HIVEP3: variants seen among roughly 807,000 people sequenced by gnomAD.
HIVEP3 encodes the protein HIVEP zinc finger 3, also known as transcription factor HIVEP3.
Under a neutral mutation model 152.8 loss-of-function variants are expected in HIVEP3, and 49 were observed. The observed-to-expected ratio is 0.32, with a 90% confidence interval of 0.26 to 0.41. HIVEP3 has a LOEUF of 0.41. HIVEP3 is among the 10% of genes least tolerant of loss of function. HIVEP3 has a pLI of 1.00. For missense variants in HIVEP3, 2,790 were observed against 3,103.3 expected (o/e 0.90, Z 2.40); for synonymous variants, 1,269 against 1,289.0 (o/e 0.98, Z 0.33).
intron 1 of HIVEP3, among the ~76,000 whole-genome samples, chr1:41,869,122 A>G (rs6670896): frequency 0.28 from 42,194 of 152,070 alleles, 6,561 homozygotes; most frequent in East Asian, 0.55. Flanking sequence ...CAGTAGAATA[A>G]AACAGGTGAT....
intron 1 of HIVEP3, among the ~76,000 whole-genome samples, chr1:42,003,809 C>T (rs896392017): frequency 1.3e-5 from 2 of 150,992 alleles, no homozygotes; most frequent in African/African-American, 4.9e-5. Flanking sequence ...AAGGCACTCT[C>T]GTCACCTCAA....
intron 1 of HIVEP3, among the ~76,000 whole-genome samples, chr1:41,895,275 T>G (rs1000480728): frequency 1.5e-4 from 23 of 152,126 alleles, no homozygotes; most frequent in African/African-American, 5.1e-4. Flanking sequence ...ATGAACCCAG[T>G]TCCCTTCCAT....
intron 1 of HIVEP3, among the ~76,000 whole-genome samples, chr1:41,836,603 G>T (rs1643131090): frequency 1.3e-5 from 2 of 152,218 alleles, no homozygotes; most frequent in Admixed American, 1.3e-4. Context: ...TGGTCATGTG[G>T]ATTCCCACAC....
intron 1 of HIVEP3, among the ~76,000 whole-genome samples, chr1:41,747,888 C>T (rs1449133596): frequency 6.6e-6 from 1 of 152,124 alleles, no homozygotes; most frequent in Non-Finnish European, 1.5e-5. Flanking sequence ...AAAAGGATAC[C>T]ATTCCCTTTG....
chr1:41,933,251 A>G (rs1462255214), intron 1 of HIVEP3, among the ~76,000 whole-genome samples: 1 of 152,088 alleles, frequency 6.6e-6, no homozygotes, highest in African/African-American at 2.4e-5. Flanking sequence ...CATTTACTGA[A>G]AAAGGAGCAC....
intron 2 of HIVEP3, among the ~76,000 whole-genome samples, chr1:41,696,737 TATA>T (rs1233416497): frequency 6.6e-6 from 1 of 151,106 alleles, no homozygotes; most frequent in African/African-American, 2.4e-5. Context: ...GAATGTAGAG[TATA>T]ATCCTAATTT....
chr1:41,528,271 C>T (rs1173466962), intron 5 of HIVEP3, among the ~76,000 whole-genome samples: 3 of 135,786 alleles, frequency 2.2e-5, no homozygotes, highest in Non-Finnish European at 4.8e-5. Flanking sequence ...CACCCTCACA[C>T]ACCCTCACAT....
chr1:41,990,012 A>T, intron 1 of HIVEP3, among the ~76,000 whole-genome samples: 2 of 56,396 alleles, frequency 3.5e-5, no homozygotes, highest in African/African-American at 9.0e-5. Context: ...AGTTTCTCCT[A>T]GTCTCGATGG....
chr1:41,737,357 C>G (rs897513900), intron 1 of HIVEP3, among the ~76,000 whole-genome samples: 1 of 152,214 alleles, frequency 6.6e-6, no homozygotes. Context: ...GCCTCCAACC[C>G]CTGCAGTCCC....
chr1:41,822,173 C>A (rs892342429), intron 1 of HIVEP3, among the ~76,000 whole-genome samples: 3 of 152,186 alleles, frequency 2.0e-5, no homozygotes, highest in Non-Finnish European at 4.4e-5. Context: ...TGGCCACTCT[C>A]TCTCTTCATG....
chr1:41,587,097 G>A (rs1477249063), intron 3 of HIVEP3, among the ~76,000 whole-genome samples: 5 of 152,110 alleles, frequency 3.3e-5, no homozygotes, highest in African/African-American at 1.2e-4. Flanking sequence ...TAGCCAGACA[G>A]GATGGAACAT....
intron 1 of HIVEP3, among the ~76,000 whole-genome samples, chr1:41,760,672 C>T (rs1372637341): frequency 2.0e-5 from 3 of 152,202 alleles, no homozygotes; most frequent in Admixed American, 6.5e-5. Flanking sequence ...CAGTACAGGG[C>T]CCTGGGGCTT....
At chr1:41,542,645 A>G (rs1033527021) in intron 5 of HIVEP3, 1 of 152,444 alleles carries the variant, frequency 6.6e-6, no homozygotes, top group Non-Finnish European at 1.5e-5. Context: ...GAGCCACAGT[A>G]TCCTGCAGAG....
intron 1 of HIVEP3, among the ~76,000 whole-genome samples, chr1:41,743,890 G>A (rs1647032024): frequency 6.6e-6 from 1 of 152,092 alleles, no homozygotes; most frequent in Non-Finnish European, 1.5e-5. Context: ...AATGGGGGAG[G>A]GAGGGACTCC....
chr1:41,856,695 G>T (rs1643776998), intron 1 of HIVEP3, among the ~76,000 whole-genome samples: 1 of 152,090 alleles, frequency 6.6e-6, no homozygotes, highest in Admixed American at 6.5e-5. Context: ...ATTGGGAGGT[G>T]CAGCAGGGGA....
At chr1:41,531,395 G>T in intron 5 of HIVEP3, among the ~76,000 whole-genome samples, 1 of 145,554 alleles carries the variant, frequency 6.9e-6, no homozygotes, top group South Asian at 2.3e-4. Flanking sequence ...TAGAGGACAG[G>T]GGAGATGGAG....
chr1:41,534,486 G>A (rs1643348594), intron 5 of HIVEP3, among the ~76,000 whole-genome samples: 2 of 152,260 alleles, frequency 1.3e-5, no homozygotes, highest in South Asian at 2.1e-4. Flanking sequence ...GTCCTTCGGA[G>A]GCCTGTCCCA....
intron 1 of HIVEP3, among the ~76,000 whole-genome samples, chr1:41,917,543 A>C (rs1644889707): frequency 1.3e-5 from 2 of 152,204 alleles, no homozygotes; most frequent in South Asian, 4.1e-4. Flanking sequence ...GACCTGCAAC[A>C]GAAACCAAAC....
chr1:41,800,438 C>T (rs1650235660), intron 1 of HIVEP3, among the ~76,000 whole-genome samples: 2 of 152,218 alleles, frequency 1.3e-5, no homozygotes, highest in Admixed American at 1.3e-4. Flanking sequence ...GAGAACCAGG[C>T]TGCTCCAGCC....
Sources: allele counts gnomAD v4.1 joint callset (sites outside exome capture counted in the v4.1 genomes callset), GRCh38; gene constraint gnomAD v4.1.1; transcripts MANE v1.5; gene names NCBI Gene and HGNC (gene_info 2026-07-23, HGNC 2026-07-21).